Variants in ARHGAP30 observed in about 807,000 individuals in gnomAD.
The protein encoded by ARHGAP30 is rho GTPase-activating protein 30.
In ARHGAP30, 23 loss-of-function variants were observed where a neutral mutation model predicts 72.0. That is an observed-to-expected ratio of 0.32 (90% CI 0.23 to 0.45). The LOEUF (loss-of-function observed/expected upper bound fraction) is 0.45, where lower values mean the gene tolerates loss of function less well. Ranked by LOEUF, ARHGAP30 falls within the 20% of genes least tolerant of loss-of-function variation. ARHGAP30 has a pLI of 1.00. For missense variants in ARHGAP30, 1,319 were observed against 1,383.4 expected (o/e 0.95, Z 0.74); for synonymous variants, 576 against 528.2 (o/e 1.09, Z -1.24).
rs1176282547 is a variant in ARHGAP30 at position 161,064,780 on chromosome 1, AAAG to A, written c.97+4745_97+4747del. 9.1e-4 allele frequency among the ~76,000 whole-genome samples: 37 copies of A among 40,874 alleles called. 1 individual carries two copies. The highest frequency in any genetic ancestry group is 1.5e-3 in the East Asian group (2 of 1,322). 26.8% of individuals were successfully genotyped at this position (40,874 alleles called of 152,430 possible). ...GAAAGAGAAAGAAAGAAAGAAAGAAAAAGAAAGAAAGAAAGAAAGAAAGAAAGA... is the reference window on the plus strand; with the variant it reads ...GAAAGAGAAAGAAAGAAAGAAAGAAAAAAGAAAGAAAGAAAGAAAGAAAGA... On this transcript the variant is annotated intron_variant, in intron 1 of 11. Transcript: ENST00000368013.
chr1:161,061,447 C>CCAGCTAAT (rs1170798581), intron 1 of ARHGAP30, among the ~76,000 whole-genome samples: 3 of 150,302 alleles, frequency 2.0e-5, no homozygotes, highest in South Asian at 2.1e-4. Flanking sequence ...GCCACCGCGC[C>CCAGCTAAT]TGACCTGCTT....
chr1:161,049,457 G>C lies in ARHGAP30; in HGVS notation c.1653C>G (p.Gly551=). The C allele has an allele frequency of 6.2e-7, 1 of 1,613,088 alleles. No homozygotes were observed. The highest frequency in any genetic ancestry group is 1.3e-5 in the African/African-American group (1 of 75,018). ...CAACTCCCAGGAGCTCCTCCAGGTA[G>C]CCCATCCCAGGGTCGTCCTCCCCAG... ...FSPGEDDPGM[G]YLEELLGVGP... The change falls in exon 11 of 12, where the codon GGC becomes GGG. Residue 551 remains glycine, a synonymous_variant. Coordinates refer to ENST00000368013, the MANE Select transcript of ARHGAP30 (RefSeq NM_001025598.2).
chr1:161,062,687 C>T (rs1652402074), intron 1 of ARHGAP30, among the ~76,000 whole-genome samples: 1 of 151,718 alleles, frequency 6.6e-6, no homozygotes, highest in Admixed American at 6.6e-5. Flanking sequence ...TGAGATTGCA[C>T]CACTGCACTC....
intron 1 of ARHGAP30, among the ~76,000 whole-genome samples, chr1:161,066,351 A>G (rs1652762820): frequency 6.7e-6 from 1 of 149,760 alleles, no homozygotes; most frequent in Non-Finnish European, 1.5e-5. Flanking sequence ...CTCCTTGAGA[A>G]TGAGGCATCT....
At chr1:161,057,082 T>C (rs1031928579) in intron 2 of ARHGAP30, among the ~76,000 whole-genome samples, 1 of 152,122 alleles carries the variant, frequency 6.6e-6, no homozygotes, top group African/African-American at 2.4e-5. Context: ...GCAAACAATA[T>C]ATCTGATTGA....
chr1:161,063,167 T>C (rs1652450458), intron 1 of ARHGAP30, among the ~76,000 whole-genome samples: 2 of 152,194 alleles, frequency 1.3e-5, no homozygotes, highest in Non-Finnish European at 2.9e-5. Context: ...GTTTATTTTG[T>C]ATTGATACCT....
Position 161,048,894 on chromosome 1 carries a change from A to C in ARHGAP30, c.2127T>G (p.Ser709Arg), listed in dbSNP as rs1651112962. The C allele has an allele frequency of 4.4e-6, 7 of 1,608,424 alleles. No homozygotes were observed. Among genetic ancestry groups the C allele is most frequent in the African/African-American group, 4.1e-5 (3 of 72,760 alleles). The change falls in exon 12 of 12, where the codon AGT (serine) becomes AGG (arginine). Residue 709 changes from serine to arginine, a missense_variant. By Grantham distance (110) the Ser-to-Arg change is moderately radical. Coordinates refer to ENST00000368013, the MANE Select transcript of ARHGAP30 (RefSeq NM_001025598.2). ...CTTCCTTGGCCTCTGTCTCTTCCCT[A>C]CTCCCTTCTCTCAATCTGACTTTTG... is the stretch of plus-strand genomic sequence containing the variant. Reference protein sequence around the residue: ...QETKVRLREGSREETEAKEEK... With the variant: ...QETKVRLREGRREETEAKEEK...
In ARHGAP30 at chr1:161,051,318, GGGGCCAGGGCCAAGGCCA is replaced by G. The variant is rs779209567; in HGVS notation, c.1398_1415del (p.Gly467_Pro472del). 160 of 1,596,596 alleles carry G rather than the reference GGGGCCAGGGCCAAGGCCA, an allele frequency of 1.0e-4. 1 individual carries two copies. Among genetic ancestry groups the G allele is most frequent in the East Asian group, 6.7e-5 (3 of 44,776 alleles). On this transcript the variant is annotated inframe_deletion, in exon 10 of 12. Coordinates refer to ENST00000368013, the MANE Select transcript of ARHGAP30 (RefSeq NM_001025598.2). ...GGTCAATCAATGGGTCCTCACCTGG[GGGGCCAGGGCCAAGGCCA>G]GGGCCAGGGCCAGGGCCAGAGGCAG... is the stretch of plus-strand genomic sequence containing the variant.
In ARHGAP30 at chr1:161,049,342, C is replaced by T; in HGVS notation, c.1687-8G>A. On this transcript the variant is annotated splice_region_variant and splice_polypyrimidine_tract_variant and intron_variant, in intron 11 of 11. Coordinates refer to ENST00000368013, the MANE Select transcript of ARHGAP30 (RefSeq NM_001025598.2). Reference sequence around the variant, plus strand: ...CACAGAGAACTCCTCCACCTGTAGGCACAGCATTGTGACTCAGGACCAGGA... The same window carrying T: ...CACAGAGAACTCCTCCACCTGTAGGTACAGCATTGTGACTCAGGACCAGGA... The T allele has an allele frequency of 6.2e-7, 1 of 1,610,186 alleles. No individual in the cohort carries two copies.
rs374895907 is a variant in ARHGAP30, at chr1:161,053,505, TC to T, written c.537-121del. 322 of 810,240 alleles carry T rather than the reference TC, an allele frequency of 4.0e-4. 9 individuals are homozygous for T. The African/African-American group carries it at 0.024, about 59-fold the overall frequency. 50.2% of individuals were successfully genotyped at this position (810,240 alleles called of 1,614,324 possible). On this transcript the variant is annotated intron_variant, in intron 5 of 11. Transcript: ENST00000368013. ...CTCTCTCTCTCTCTCTCTCTCTCTC[TC>T]GAATGACCTTAACCCCTTCTCTACC...
At chr1:161,062,836 C>T (rs1450782664) in intron 1 of ARHGAP30, among the ~76,000 whole-genome samples, 5 of 150,542 alleles carry the variant, frequency 3.3e-5, no homozygotes, top group East Asian at 3.9e-4. Context: ...TTTTTTGAGA[C>T]GGAGTTTCGC....
chr1:161,058,904 T>C (rs1652113214), intron 2 of ARHGAP30, among the ~76,000 whole-genome samples: 1 of 150,392 alleles, frequency 6.6e-6, no homozygotes, highest in Admixed American at 6.7e-5. Flanking sequence ...TAGATAGTGA[T>C]GATTATTGTA....
chr1:161,066,743 T>A (rs1652805657), intron 1 of ARHGAP30, among the ~76,000 whole-genome samples: 1 of 151,498 alleles, frequency 6.6e-6, no homozygotes, highest in African/African-American at 2.4e-5. Context: ...TCATGTCTCT[T>A]GCCTCGTCTT....
At position 161,049,490 on chromosome 1, in the gene ARHGAP30, GGCTGCTCCT is replaced by G. The variant is rs1651185949; in HGVS notation, c.1611_1619del (p.Gly538_Ala540del). On this transcript the variant is annotated inframe_deletion, in exon 11 of 12. Transcript: ENST00000368013. ...CAGGGTCGTCCTCCCCAGGGGAGAA[GGCTGCTCCT>G]GCTGCTTCTGCCTGGGCCACCTCCC... 2 of 1,613,916 alleles carry G rather than the reference GGCTGCTCCT, an allele frequency of 1.2e-6. No individual in the cohort carries two copies. The highest frequency in any genetic ancestry group is 1.3e-5 in the African/African-American group (1 of 74,916).
chr1:161,060,269 C>CAAA (rs59790446), intron 1 of ARHGAP30: 103 of 376,780 alleles, frequency 2.7e-4, no homozygotes, highest in Admixed American at 2.2e-3. Flanking sequence ...GACCCTGTTT[C>CAAA]AAAAAAAAAA....
chr1:161,066,267 G>C (rs2101640861), intron 1 of ARHGAP30, among the ~76,000 whole-genome samples: 1 of 149,330 alleles, frequency 6.7e-6, no homozygotes. Flanking sequence ...AGCATCTAGT[G>C]TGCAAAATTT....
intron 10 of ARHGAP30, among the ~76,000 whole-genome samples, chr1:161,050,585 A>G (rs1383394171): frequency 6.6e-6 from 1 of 151,610 alleles, no homozygotes; most frequent in African/African-American, 2.4e-5. Context: ...TTGGGATTAC[A>G]GGTGTGAGCC....
chr1:161,069,458 A>G lies in ARHGAP30; in HGVS notation c.97+70T>C, dbSNP rs1049356177. 1 of 1,511,378 alleles carries G rather than the reference A, an allele frequency of 6.6e-7. No homozygotes were observed. Among genetic ancestry groups the G allele is most frequent in the Admixed American group, 1.7e-5 (1 of 59,338 alleles). 93.6% of individuals were successfully genotyped at this position (1,511,378 alleles called of 1,614,324 possible). ...GCACCGGAAACTGCTTCTGCCCTTC[A>G]GGCTGGATCGGGCTGCAGATGCCCA... On this transcript the variant is annotated intron_variant, in intron 1 of 11. Transcript: ENST00000368013. This position sits in a 1 kb window ranked among gnomAD's most constrained non-coding sequence, Gnocchi z 4.9.
chr1:161,053,460 T>G (rs1159734164), intron 5 of ARHGAP30, 75 bp from the exon 6 acceptor site: 2 of 982,738 alleles, frequency 2.0e-6, no homozygotes, highest in African/African-American at 1.7e-5. Context: ...GAAAATACCT[T>G]ATTCTCTCTC....
Sources: allele counts gnomAD v4.1 joint callset (sites outside exome capture counted in the v4.1 genomes callset), GRCh38; gene constraint gnomAD v4.1.1; non-coding constraint Gnocchi (gnomAD v3.1); transcripts MANE v1.5; gene names NCBI Gene and HGNC (gene_info 2026-07-23, HGNC 2026-07-21).